The following IRF2 variants were observed in gnomAD, a reference collection of about 807,000 sequenced individuals.
IRF2 encodes interferon regulatory factor 2.
Under a neutral mutation model 40.6 loss-of-function variants are expected in IRF2, and 15 were observed. That is an observed-to-expected ratio of 0.37 (90% CI 0.25 to 0.57). IRF2 has a LOEUF of 0.57. IRF2 is among the 20% of genes least tolerant of loss of function. The probability of loss-of-function intolerance (pLI) is 0.77; values close to 1 mark genes in which losing one functional copy is unlikely to be tolerated. For synonymous variants in IRF2, 151 were observed against 165.5 expected (o/e 0.91, Z 0.67); for missense variants, 317 against 455.7 (o/e 0.70, Z 2.77).
chr4:184,397,627 A>G (rs1187642659), intron 7 of IRF2, among the ~76,000 whole-genome samples: 2 of 152,180 alleles, frequency 1.3e-5, no homozygotes, highest in Non-Finnish European at 2.9e-5. Context: ...TCTAATTCCA[A>G]CGCTGGTCGG....
intron 6 of IRF2, chr4:184,407,211 C>T: frequency 7.8e-7 from 1 of 1,289,462 alleles, no homozygotes; most frequent in African/African-American, 1.5e-5. Context: ...CCTGTCAGGA[C>T]AATTCAGCAT....
intron 3 of IRF2, among the ~76,000 whole-genome samples, chr4:184,419,031 A>G (rs1427469743): frequency 6.6e-6 from 1 of 152,252 alleles, no homozygotes; most frequent in Non-Finnish European, 1.5e-5. Flanking sequence ...GAGAGGCTGC[A>G]AAGTCAACAG....
chr4:184,445,794 C>T (rs936652510), intron 1 of IRF2, among the ~76,000 whole-genome samples: 1 of 152,166 alleles, frequency 6.6e-6, no homozygotes, highest in Non-Finnish European at 1.5e-5. Context: ...TTTGATGCAA[C>T]GCAGCAAAGA....
intron 6 of IRF2, among the ~76,000 whole-genome samples, chr4:184,402,904 G>A (rs892799904): frequency 6.6e-6 from 1 of 152,062 alleles, no homozygotes; most frequent in Non-Finnish European, 1.5e-5. Context: ...CCTTAAAAGG[G>A]GTGAATTTTA....
rs948464711 is a variant in IRF2, at chr4:184,408,691, C to T, written c.412-416G>A. Among the ~76,000 whole-genome samples the T allele has an allele frequency of 2.0e-5, 3 of 152,224 alleles. No homozygotes were observed. The highest frequency in any genetic ancestry group is 7.2e-5 in the African/African-American group (3 of 41,456). ...CAGGGAGGAATCATGCTACCTCTTT[C>T]ATAATTATTTCTTAGGAAAAGCTCT... On this transcript the variant is annotated intron_variant, in intron 5 of 8. Transcript: ENST00000393593. This position sits in a 1 kb window ranked among gnomAD's most constrained non-coding sequence, Gnocchi z 4.9.
chr4:184,399,021 C>G lies in IRF2; in HGVS notation c.588G>C (p.Pro196=). The G allele has an allele frequency of 1.2e-6, 2 of 1,613,194 alleles. No individual in the cohort carries two copies. The highest frequency in any genetic ancestry group is 1.1e-5 in the South Asian group (1 of 91,026). The change falls in exon 7 of 9, where the codon CCG becomes CCC. Residue 196 remains proline, a synonymous_variant. Transcript: ENST00000393593. ...NIENQEIVTN[P]PDICQVVEVT... ...CCTCTACAACTTGGCAAATGTCTGG[C>G]GGATTGGTGACAATCTCTTGATTCT...
chr4:184,392,244 A>G (rs55989033), intron 7 of IRF2, among the ~76,000 whole-genome samples: 21,239 of 152,230 alleles, frequency 0.14, 2,051 homozygotes, highest in Non-Finnish European at 0.21. Context: ...CTAAAGAGTA[A>G]CTGCAATAGC....
intron 7 of IRF2, among the ~76,000 whole-genome samples, chr4:184,395,412 CAAA>C (rs34566726): frequency 3.0e-5 from 2 of 67,098 alleles, no homozygotes; most frequent in African/African-American, 1.2e-4. Flanking sequence ...GACTCCGTCT[CAAA>C]AAAAAAAAAA....
Position 184,407,328 on chromosome 4 carries a change from C to G in IRF2, c.529+830G>C, listed in dbSNP as rs558253641. The G allele has an allele frequency of 6.4e-4, 702 of 1,097,404 alleles. 8 individuals are homozygous for G. Among genetic ancestry groups the G allele is most frequent in the South Asian group, 6.4e-3 (446 of 69,742 alleles). 68.0% of individuals were successfully genotyped at this position (1,097,404 alleles called of 1,614,324 possible). A position where few individuals can be genotyped will look rare whatever the true frequency, so the allele number is the denominator to read the frequency against. ...AAAAGGAGTTTTTTCTTCTCCTTCC[C>G]CTTAAAGGGAAAGCAGGCTGAGGTC... On this transcript the variant is annotated intron_variant, in intron 6 of 8. Transcript: ENST00000393593.
At position 184,434,352 on chromosome 4, in the gene IRF2, C is replaced by T. The variant is rs533592720; in HGVS notation, c.-6-5282G>A. Reference sequence around the variant, plus strand: ...ACTTTGATCATCTAGAAAAATGGGACGTTTTAAACAGATGATTCCTGGGGT... The same window carrying T: ...ACTTTGATCATCTAGAAAAATGGGATGTTTTAAACAGATGATTCCTGGGGT... On this transcript the variant is annotated intron_variant, in intron 1 of 8. Transcript: ENST00000393593. Among the ~76,000 whole-genome samples the T allele has an allele frequency of 1.5e-3, 229 of 152,222 alleles. 1 individual carries two copies. Among genetic ancestry groups the T allele is most frequent in the African/African-American group, 4.9e-3 (204 of 41,536 alleles).
intron 8 of IRF2, 30 bp downstream of exon 8, chr4:184,390,673 G>A (rs1483433052): frequency 1.2e-6 from 2 of 1,612,836 alleles, no homozygotes; most frequent in South Asian, 2.2e-5. Flanking sequence ...TTCCTTGGCA[G>A]CATCGTGGGC....
intron 6 of IRF2, among the ~76,000 whole-genome samples, chr4:184,406,150 G>A (rs1736846478): frequency 6.6e-6 from 1 of 152,054 alleles, no homozygotes; most frequent in Admixed American, 6.5e-5. Flanking sequence ...CAGGAAGAAG[G>A]CATGGGCACA....
intron 6 of IRF2, among the ~76,000 whole-genome samples, chr4:184,406,742 C>A (rs1489808964): frequency 1.3e-5 from 2 of 152,178 alleles, no homozygotes; most frequent in Non-Finnish European, 2.9e-5. Flanking sequence ...GACCCTAACA[C>A]TGGTCAGTAA....
At chr4:184,428,842 A>T (rs763257479) in intron 2 of IRF2, 136 bp downstream of exon 2, 5 of 755,184 alleles carry the variant, frequency 6.6e-6, no homozygotes, top group Non-Finnish European at 1.2e-5. Context: ...ATGTTTTATG[A>T]TCATTTTGGG....
intron 1 of IRF2, among the ~76,000 whole-genome samples, chr4:184,464,431 G>A (rs1489199372): frequency 6.6e-6 from 1 of 151,748 alleles, no homozygotes; most frequent in Non-Finnish European, 1.5e-5. Context: ...AGCCATATAG[G>A]ATATGAAAAT....
intron 2 of IRF2, 52 bp downstream of exon 2, chr4:184,428,926 C>T (rs964441822): frequency 3.7e-5 from 51 of 1,378,780 alleles, no homozygotes; most frequent in Non-Finnish European, 4.5e-5. Flanking sequence ...TCCGCATGGG[C>T]GTGTTTCAGC....
chr4:184,389,498 G>C (rs913994767), intron 8 of IRF2, among the ~76,000 whole-genome samples: 2 of 152,174 alleles, frequency 1.3e-5, no homozygotes, highest in African/African-American at 2.4e-5. Context: ...AGTTTCTTAA[G>C]AACTGCAGAA....
chr4:184,431,344 C>T (rs1737870359), intron 1 of IRF2, among the ~76,000 whole-genome samples: 2 of 152,190 alleles, frequency 1.3e-5, no homozygotes, highest in Non-Finnish European at 2.9e-5. Context: ...AGATGACATT[C>T]CCTGCCATCT....
At chr4:184,443,155 ACCT>A (rs1443146870) in intron 1 of IRF2, among the ~76,000 whole-genome samples, 1 of 152,024 alleles carries the variant, frequency 6.6e-6, no homozygotes, top group Non-Finnish European at 1.5e-5. Flanking sequence ...CAAACTCCTG[ACCT>A]CAGCTGATCC....
Sources: gnomAD v4.1 joint callset for allele counts (sites outside exome capture counted in the v4.1 genomes callset) on GRCh38, gnomAD v4.1.1 for gene constraint, Gnocchi (gnomAD v3.1) non-coding constraint, MANE v1.5 for transcripts, NCBI Gene and HGNC (gene_info 2026-07-23, HGNC 2026-07-21) for gene names.